OTOGL: variants seen among roughly 807,000 people sequenced by gnomAD.
OTOGL encodes otogelin like.
Under a neutral mutation model 318.5 loss-of-function variants are expected in OTOGL, and 285 were observed. The observed-to-expected ratio is 0.89, with a 90% CI of 0.81 to 0.99. The LOEUF (loss-of-function observed/expected upper bound fraction) is 0.99, where lower values mean the gene tolerates loss of function less well. Among genes scored for constraint, OTOGL ranks in the 50% least tolerant of loss-of-function variants. OTOGL has a pLI of 0.00. For synonymous variants in OTOGL, 987 were observed against 936.5 expected (o/e 1.05, Z -0.99); for missense variants, 2,899 against 2,845.6 (o/e 1.02, Z -0.43).
chr12:80,147,539 G>A (rs1272257346), intron 1 of OTOGL, among the ~76,000 whole-genome samples: 1 of 151,756 alleles, frequency 6.6e-6, no homozygotes, highest in East Asian at 1.9e-4. Context: ...CTGGTGATTT[G>A]GGGTGGAGAG....
chr12:80,359,723 G>T (rs965516290), intron 52 of OTOGL, among the ~76,000 whole-genome samples: 2 of 152,192 alleles, frequency 1.3e-5, no homozygotes, highest in African/African-American at 4.8e-5. Flanking sequence ...ATGGTTTACA[G>T]AGAATGTTTA....
rs1384593893 is a variant in OTOGL at position 80,313,610 on chromosome 12, T to C, written c.3585T>C (p.His1195=). The C allele has an allele frequency of 2.5e-6, 4 of 1,612,470 alleles. No homozygotes were observed. Among genetic ancestry groups the C allele is most frequent in the Non-Finnish European group, 3.4e-6 (4 of 1,178,890 alleles). ...YKCCQEGISI[H]WRSSTVCSLD... is the part of the protein sequence containing the mutation. ...GTTGTCAGGAAGGAATATCAATTCA[T>C]TGGAGATCATCTACTGTTTGTTGTA... Residue 1195 remains histidine (H), a synonymous_variant, in exon 31 of 59, where the codon CAT becomes CAC. Coordinates refer to ENST00000547103, the MANE Select transcript of OTOGL (RefSeq NM_001378609.3).
rs138725798 is a variant in OTOGL, at chr12:80,107,489, A to G, written c.-20+7884A>G. On this transcript the variant is annotated intron_variant, in intron 1 of 58. Transcript: ENST00000547103. ...GTTGCGGAGAAGAGGAAATGCTTAT[A>G]CACTGCTGGTGGGGATGTAAATTAG... Among the ~76,000 whole-genome samples, 47 of 152,306 alleles carry G rather than the reference A, an allele frequency of 3.1e-4. No individual in the cohort carries two copies. In the Middle Eastern group the frequency reaches 0.017, roughly 55 times the overall value.
In OTOGL at chr12:80,368,293, CATCAGTTGT is replaced by C; in HGVS notation, c.6602_6610del (p.Ser2201_Val2203del). The C allele has an allele frequency of 6.3e-7, 1 of 1,590,414 alleles. No individual in the cohort carries two copies. The highest frequency in any genetic ancestry group is 8.6e-7 in the Non-Finnish European group (1 of 1,164,826). On this transcript the variant is annotated inframe_deletion, in exon 55 of 59. Coordinates refer to ENST00000547103, the MANE Select transcript of OTOGL (RefSeq NM_001378609.3). The stretch of plus-strand genomic sequence containing the variant: ...TGCAAATTTCACATGGAAAATGGAA[CATCAGTTGT>C]ATACGCGGTATGTTTCATGGAGAGT...
intron 1 of OTOGL, among the ~76,000 whole-genome samples, chr12:80,147,637 C>T (rs899301639): frequency 6.6e-6 from 1 of 151,910 alleles, no homozygotes; most frequent in African/African-American, 2.4e-5. Flanking sequence ...CTTGATCTGT[C>T]TAATGTTGAC....
chr12:80,278,989 C>CGTGT, intron 25 of OTOGL, 39 bp from the exon 26 acceptor site: 8 of 1,579,170 alleles, frequency 5.1e-6, no homozygotes, highest in Non-Finnish European at 6.9e-6. Context: ...TAGTTAGAGT[C>CGTGT]GTTTCTTTAG....
chr12:80,339,511 T>C (rs932837722), intron 43 of OTOGL, among the ~76,000 whole-genome samples: 5 of 152,036 alleles, frequency 3.3e-5, no homozygotes, highest in Admixed American at 6.6e-5. Context: ...GTTACTACGA[T>C]GCTGTTTGTA....
chr12:80,217,588 T>G lies in OTOGL; in HGVS notation c.169-10T>G. ...TAACTGTATTGCATTCTCATTTCTT[T>G]CTTTCAAAGTTTGAAGCTACTTCTC... is the stretch of plus-strand genomic sequence containing the variant. On this transcript the variant is annotated splice_polypyrimidine_tract_variant and intron_variant, in intron 4 of 58. Coordinates refer to ENST00000547103, the MANE Select transcript of OTOGL (RefSeq NM_001378609.3). The G allele has an allele frequency of 6.6e-7, 1 of 1,509,754 alleles. No individual in the cohort carries two copies. Among genetic ancestry groups the G allele is most frequent in the South Asian group, 1.2e-5 (1 of 84,002 alleles). 93.5% of individuals were successfully genotyped at this position (1,509,754 alleles called of 1,614,324 possible). A position where few individuals can be genotyped will look rare whatever the true frequency, so the allele number is the denominator to read the frequency against.
chr12:80,109,239 C>T (rs10778705), intron 1 of OTOGL, among the ~76,000 whole-genome samples: 1 of 151,658 alleles, frequency 6.6e-6, no homozygotes, highest in African/African-American at 2.4e-5. Flanking sequence ...TACTTCCAGG[C>T]CCTTGCTAAG....
intron 7 of OTOGL, among the ~76,000 whole-genome samples, chr12:80,224,277 A>G (rs1392904629): frequency 6.6e-6 from 1 of 151,886 alleles, no homozygotes; most frequent in Non-Finnish European, 1.5e-5. Flanking sequence ...GTTGTTCTAT[A>G]TGACTGTTTT....
At chr12:80,125,162 T>G (rs1441668577) in intron 1 of OTOGL, among the ~76,000 whole-genome samples, 1 of 152,230 alleles carries the variant, frequency 6.6e-6, no homozygotes, top group Non-Finnish European at 1.5e-5. Context: ...CAGTATGATA[T>G]TGGCTGTGGG....
Position 80,266,567 on chromosome 12 carries a change from T to C in OTOGL, c.2341T>C (p.Cys781Arg), listed in dbSNP as rs1402317912. The change falls in exon 21 of 59, where the codon TGT (cysteine) becomes CGT (arginine). Residue 781 changes from cysteine to arginine, a missense_variant. By Grantham distance (180) the Cys-to-Arg change is radical (BLOSUM62 -3). This residue lies in a region of OTOGL where 2,607 missense variants were observed against 2,524.9 expected (regional missense o/e 1.03). Transcript: ENST00000547103. ...CSDDCAEGCN[C>R]PEGKFYEDTL... ...TGATGACTGTGCTGAAGGCTGTAAT[T>C]GTCCGGAAGGCAAATTCTATGAAGA... 3 of 1,613,494 alleles carry C rather than the reference T, an allele frequency of 1.9e-6. No individual in the cohort carries two copies. The highest frequency in any genetic ancestry group is 2.5e-6 in the Non-Finnish European group (3 of 1,179,776).
At chr12:80,145,548 T>G (rs2137152566) in intron 1 of OTOGL, among the ~76,000 whole-genome samples, 1 of 151,820 alleles carries the variant, frequency 6.6e-6, no homozygotes, top group East Asian at 1.9e-4. Flanking sequence ...CGGGCTCTTT[T>G]TTGGTGCCAT....
chr12:80,104,048 C>T (rs1289288757), intron 1 of OTOGL, among the ~76,000 whole-genome samples: 1 of 152,110 alleles, frequency 6.6e-6, no homozygotes, highest in Non-Finnish European at 1.5e-5. Flanking sequence ...GATCAGAATT[C>T]CCAATATTCA....
At chr12:80,268,302 T>C (rs2137573925) in intron 22 of OTOGL, among the ~76,000 whole-genome samples, 1 of 152,124 alleles carries the variant, frequency 6.6e-6, no homozygotes, top group South Asian at 2.1e-4. Flanking sequence ...ATTATTAAAA[T>C]ACTTACTCAT....
chr12:80,331,032 C>T (rs935613806), intron 37 of OTOGL, among the ~76,000 whole-genome samples: 2 of 152,160 alleles, frequency 1.3e-5, no homozygotes, highest in Non-Finnish European at 2.9e-5. Flanking sequence ...TAGCAATACT[C>T]CCAAATTGTA....
At chr12:80,313,414 G>A (rs1886766884) in intron 30 of OTOGL, 62 bp from the exon 31 acceptor site, 3 of 1,465,448 alleles carry the variant, frequency 2.0e-6, no homozygotes, top group Non-Finnish European at 2.8e-6. Context: ...TTTTTAGACG[G>A]TTGACTTTAA....
intron 1 of OTOGL, among the ~76,000 whole-genome samples, chr12:80,130,484 C>T (rs577479555): frequency 6.6e-6 from 1 of 152,226 alleles, no homozygotes; most frequent in East Asian, 1.9e-4. Context: ...GGCTCTAAAC[C>T]AGAAAGAGCA....
At chr12:80,169,161 T>G (rs1874023840) in intron 1 of OTOGL, among the ~76,000 whole-genome samples, 1 of 152,212 alleles carries the variant, frequency 6.6e-6, no homozygotes, top group South Asian at 2.1e-4. Flanking sequence ...ATTGGCTTAG[T>G]CAACTCAATT....
Sources: allele counts gnomAD v4.1 joint callset (sites outside exome capture counted in the v4.1 genomes callset), GRCh38; gene constraint gnomAD v4.1.1; regional missense constraint gnomAD v4.1.1; transcripts MANE v1.5; gene names NCBI Gene and HGNC (gene_info 2026-07-23, HGNC 2026-07-21).